Variants in PARM1 observed in about 807,000 individuals in gnomAD.
PARM1 encodes prostate androgen-regulated mucin-like protein 1, also known as WSC4, cell wall integrity and stress response component 4 homolog.
PARM1 carries 14 observed loss-of-function variants against 24.6 expected under a neutral mutation model. That is an observed-to-expected ratio of 0.57 (90% CI 0.38 to 0.89). PARM1 has a LOEUF of 0.89. Ranked by LOEUF, PARM1 falls within the 40% of genes least tolerant of loss-of-function variation. The pLI is 0.00. For synonymous variants in PARM1, 179 were observed against 156.6 expected (o/e 1.14, Z -1.07); for missense variants, 362 against 380.4 (o/e 0.95, Z 0.40).
At chr4:74,964,684 G>C (rs992689927) in intron 1 of PARM1, among the ~76,000 whole-genome samples, 1 of 151,750 alleles carries the variant, frequency 6.6e-6, no homozygotes, top group Non-Finnish European at 1.5e-5. Context: ...TAGACTATAG[G>C]TTCTATGAGA....
intron 2 of PARM1, among the ~76,000 whole-genome samples, chr4:75,013,657 C>T (rs1015575487): frequency 6.6e-6 from 1 of 152,176 alleles, no homozygotes; most frequent in African/African-American, 2.4e-5. Context: ...TTATTCTGCT[C>T]AGTGTTTTAA....
At chr4:75,025,321 G>T (rs1184298587) in intron 2 of PARM1, among the ~76,000 whole-genome samples, 2 of 152,212 alleles carry the variant, frequency 1.3e-5, no homozygotes, top group African/African-American at 4.8e-5. Context: ...CTTAGCTGGA[G>T]TTGCTATGTG....
At chr4:75,027,677 C>A (rs1723208836) in intron 2 of PARM1, among the ~76,000 whole-genome samples, 1 of 152,202 alleles carries the variant, frequency 6.6e-6, no homozygotes, top group Non-Finnish European at 1.5e-5. Flanking sequence ...ACAGCACACA[C>A]TAGAAACCAA....
chr4:75,021,586 GT>G lies in PARM1; in HGVS notation c.769+8445del, dbSNP rs112520326. ...TAATAAGCATAGTGCGCTATAGTTA[GT>G]TTTTTTTTATCCTCACCCTCCTCCC... On this transcript the variant is annotated intron_variant, in intron 2 of 3. Transcript: ENST00000307428. Among the ~76,000 whole-genome samples, 928 of 151,534 alleles carry G rather than the reference GT, an allele frequency of 6.1e-3. 30 individuals carry two copies. The East Asian group carries it at 0.08, about 13-fold the overall frequency.
At chr4:74,977,408 GA>G (rs201257198) in intron 1 of PARM1, among the ~76,000 whole-genome samples, 1,640 of 152,004 alleles carry the variant, frequency 0.011, 37 homozygotes, top group African/African-American at 0.038. Flanking sequence ...CAAGATTAGA[GA>G]AAAAAAGAAT....
At chr4:75,038,099 T>C (rs1723407726) in intron 3 of PARM1, among the ~76,000 whole-genome samples, 1 of 152,162 alleles carries the variant, frequency 6.6e-6, no homozygotes, top group South Asian at 2.1e-4. Context: ...GTATTTTTAG[T>C]AGAGACGGGG....
At chr4:75,027,490 G>T (rs533791603) in intron 2 of PARM1, among the ~76,000 whole-genome samples, 7 of 152,240 alleles carry the variant, frequency 4.6e-5, no homozygotes, top group Admixed American at 3.3e-4. Flanking sequence ...GATCTACCTA[G>T]GTTGCAGTGT....
chr4:75,020,494 C>T (rs1271209305), intron 2 of PARM1, among the ~76,000 whole-genome samples: 1 of 107,148 alleles, frequency 9.3e-6, no homozygotes, highest in African/African-American at 7.3e-5. Flanking sequence ...CCCTCATTTC[C>T]CCCCCCCCGC....
chr4:74,987,368 A>G (rs1722377699), intron 1 of PARM1, among the ~76,000 whole-genome samples: 1 of 152,134 alleles, frequency 6.6e-6, no homozygotes, highest in Non-Finnish European at 1.5e-5. Flanking sequence ...GAGAACTTCC[A>G]TAGTACTTTT....
At chr4:74,955,517 A>G (rs909789620) in intron 1 of PARM1, among the ~76,000 whole-genome samples, 5 of 152,240 alleles carry the variant, frequency 3.3e-5, no homozygotes, top group Admixed American at 6.5e-5. Context: ...GATTTTGTCC[A>G]AGACCTGAAC....
At chr4:74,937,897 T>C (rs187187464) in intron 1 of PARM1, among the ~76,000 whole-genome samples, 104 of 152,314 alleles carry the variant, frequency 6.8e-4, no homozygotes, top group South Asian at 2.3e-3. Context: ...CCAACTCAGA[T>C]TTAGTGCAAG....
At chr4:75,016,279 G>T (rs1722985620) in intron 2 of PARM1, among the ~76,000 whole-genome samples, 2 of 152,180 alleles carry the variant, frequency 1.3e-5, no homozygotes, top group African/African-American at 4.8e-5. Context: ...ATCATTAAGG[G>T]TGGACACACT....
Position 75,013,084 on chromosome 4 carries a change from G to A in PARM1, c.703G>A (p.Asp235Asn). 22 of 1,613,998 alleles carry A rather than the reference G, an allele frequency of 1.4e-5. No individual in the cohort carries two copies. Among genetic ancestry groups the A allele is most frequent in the Non-Finnish European group, 1.8e-5 (21 of 1,179,896 alleles). Reference sequence around the variant, plus strand: ...AGGCAAAGTGATGTGTGAGCTCATAGACATGGAGACCACCACCACCTTTCC... The same window carrying A: ...AGGCAAAGTGATGTGTGAGCTCATAAACATGGAGACCACCACCACCTTTCC... ...VSGKVMCELI[D>N]METTTTFPRV... Residue 235 changes from aspartate (D) to asparagine (N), a missense_variant, in exon 2 of 4, where the codon GAC becomes AAC. Coordinates refer to ENST00000307428, the MANE Select transcript of PARM1 (RefSeq NM_015393.4).
rs1426249649 is a variant in PARM1, at chr4:75,048,292, G to A, written c.*2045G>A. ...CCAGAAGTATTTTACAACCAGAGTG[G>A]GTAATGAGGAGGGGGCTTACTGGAA... is the stretch of plus-strand genomic sequence containing the variant. On this transcript the variant is annotated 3_prime_UTR_variant, in exon 4 of 4. Coordinates refer to ENST00000307428, the MANE Select transcript of PARM1 (RefSeq NM_015393.4). The A allele has an allele frequency of 2.0e-5, 3 of 152,098 alleles. No individual in the cohort carries two copies. Among genetic ancestry groups the A allele is most frequent in the Non-Finnish European group, 4.4e-5 (3 of 68,034 alleles). The allele number at this position is 152,098 out of a possible 1,614,324, so 9.4% of individuals were successfully genotyped here. A position where few individuals can be genotyped will look rare whatever the true frequency, so the allele number is the denominator to read the frequency against.
chr4:74,969,786 C>G (rs553166891), intron 1 of PARM1: 1 of 152,358 alleles, frequency 6.6e-6, no homozygotes, highest in South Asian at 2.1e-4. Flanking sequence ...TCTGGGTGCT[C>G]TCAACACCTT....
At chr4:74,989,412 T>C (rs754617461) in intron 1 of PARM1, among the ~76,000 whole-genome samples, 45 of 152,158 alleles carry the variant, frequency 3.0e-4, no homozygotes, top group Non-Finnish European at 4.4e-4. Flanking sequence ...ATTTACCAGC[T>C]TATGTTCAAG....
At chr4:75,040,662 C>A (rs965749524) in intron 3 of PARM1, among the ~76,000 whole-genome samples, 2 of 152,112 alleles carry the variant, frequency 1.3e-5, no homozygotes, top group Non-Finnish European at 2.9e-5. Context: ...ACAAATGTAC[C>A]ACAATTATGT....
At chr4:75,015,400 C>T (rs188220701) in intron 2 of PARM1, among the ~76,000 whole-genome samples, 2 of 152,104 alleles carry the variant, frequency 1.3e-5, no homozygotes, top group Non-Finnish European at 2.9e-5. Context: ...TGACAGAATG[C>T]TTAAATGACT....
chr4:74,989,534 C>T (rs115660096), intron 1 of PARM1, among the ~76,000 whole-genome samples: 2,679 of 152,284 alleles, frequency 0.018, 54 homozygotes, highest in Non-Finnish European at 0.024. Flanking sequence ...CTCCAGGGAC[C>T]TCCCTGTGTT....
Sources: gnomAD v4.1 joint callset for allele counts (sites outside exome capture counted in the v4.1 genomes callset) on GRCh38, gnomAD v4.1.1 for gene constraint, MANE v1.5 for transcripts, NCBI Gene and HGNC (gene_info 2026-07-23, HGNC 2026-07-21) for gene names.